Variants in NUP155 observed in about 807,000 individuals in gnomAD.
The protein encoded by NUP155 is nucleoporin 155, also known as nuclear pore complex protein Nup155.
Under a neutral mutation model 180.4 loss-of-function variants are expected in NUP155, and 71 were observed. The observed-to-expected ratio is 0.39, with a 90% CI of 0.33 to 0.48. The LOEUF (loss-of-function observed/expected upper bound fraction) is 0.48, where lower values mean the gene tolerates loss of function less well. NUP155 is among the 20% of genes least tolerant of loss of function. The pLI is 0.91. For missense variants in NUP155, 1,553 were observed against 1,648.9 expected, an observed-to-expected ratio of 0.94 and a Z score of 1.01; for synonymous variants, 582 against 559.5, an observed-to-expected ratio of 1.04 and a Z score of -0.57.
intron 9 of NUP155, among the ~76,000 whole-genome samples, chr5:37,344,077 T>C (rs1745919595): frequency 6.6e-6 from 1 of 152,042 alleles, no homozygotes; most frequent in Non-Finnish European, 1.5e-5. Context: ...AGGTGGCTCA[T>C]GCCTCAAATC....
In NUP155 at chr5:37,329,246, G is replaced by T. The variant is rs924240898; in HGVS notation, c.1757C>A (p.Thr586Asn). ...YGGEAQMRFP[T>N]TLPPPSNVGP... Reference sequence around the variant, plus strand: ...AACATTACTTGGAGGCGGAAGAGTGGTTGGAAATCTCATCTGTGCTTCACC... The same window carrying T: ...AACATTACTTGGAGGCGGAAGAGTGTTTGGAAATCTCATCTGTGCTTCACC... The change falls in exon 16 of 35, where the codon ACC becomes AAC. Residue 586 changes from threonine (T) to asparagine (N), a missense_variant. Coordinates refer to ENST00000231498, the MANE Select transcript of NUP155 (RefSeq NM_153485.3). 6.2e-7 allele frequency: 1 copy of T among 1,613,920 alleles called. No individual in the cohort carries two copies. Among genetic ancestry groups the T allele is most frequent in the Non-Finnish European group, 8.5e-7 (1 of 1,179,874 alleles).
At chr5:37,297,178 TGCCTA>T (rs1231608743) in intron 32 of NUP155, among the ~76,000 whole-genome samples, 1 of 152,116 alleles carries the variant, frequency 6.6e-6, no homozygotes, top group Non-Finnish European at 1.5e-5. Flanking sequence ...CGTGCTACCA[TGCCTA>T]GCTAATCTTA....
In NUP155 at chr5:37,292,782, A is replaced by G. The variant is rs1396803413; in HGVS notation, c.4037+97T>C. ...ATTCAAATAGTTATTGCTAATATAC[A>G]CAAGAATCTTCCCATCTTCTCTTCA... On this transcript the variant is annotated intron_variant, in intron 34 of 34. Transcript: ENST00000231498. 12 of 776,238 alleles carry G rather than the reference A, an allele frequency of 1.5e-5. No homozygotes were observed. In the East Asian group the frequency reaches 2.9e-4, roughly 19 times the overall value. The allele number at this position is 776,238 out of a possible 1,614,324, so 48.1% of individuals were successfully genotyped here.
intron 1 of NUP155, among the ~76,000 whole-genome samples, chr5:37,370,028 T>G (rs1318337771): frequency 6.6e-6 from 1 of 152,266 alleles, no homozygotes; most frequent in African/African-American, 2.4e-5. Context: ...CCACTGGTAG[T>G]TCTTTTAAGA....
chr5:37,344,137 C>T (rs902453712), intron 9 of NUP155, among the ~76,000 whole-genome samples: 10 of 151,722 alleles, frequency 6.6e-5, no homozygotes, highest in Admixed American at 2.6e-4. Flanking sequence ...GCCAGGAGTT[C>T]GAGACCAGCC....
At chr5:37,367,211 A>AT (rs1223908335) in intron 1 of NUP155, among the ~76,000 whole-genome samples, 54 of 148,732 alleles carry the variant, frequency 3.6e-4, no homozygotes, top group African/African-American at 1.0e-3. Flanking sequence ...TGCCTAGCTA[A>AT]TTTTTTTTTT....
In NUP155 at chr5:37,318,002, T is replaced by C; in HGVS notation, c.2291A>G (p.Gln764Arg). ...CAATAATTTACCATGAAACTTCCTC[T>C]GCAGTTCCTGTTGCATTTGCTGGGG... ...GNPQQMQQEL[Q>R]RKFHEAQLSE... is the part of the protein sequence containing the mutation. The change falls in exon 21 of 35, where the codon CAG becomes CGG. Residue 764 changes from glutamine to arginine, a missense_variant. Transcript: ENST00000231498. The C allele has an allele frequency of 1.9e-6, 3 of 1,600,116 alleles. No individual in the cohort carries two copies. Among genetic ancestry groups the C allele is most frequent in the Non-Finnish European group, 2.6e-6 (3 of 1,167,174 alleles).
At chr5:37,356,730 A>G (rs1169374142) in intron 4 of NUP155, among the ~76,000 whole-genome samples, 1 of 152,172 alleles carries the variant, frequency 6.6e-6, no homozygotes, top group Non-Finnish European at 1.5e-5. Context: ...GAGATTTGGC[A>G]TTATGAGGGT....
At chr5:37,354,735 G>A (rs1746702598) in intron 4 of NUP155, among the ~76,000 whole-genome samples, 1 of 151,808 alleles carries the variant, frequency 6.6e-6, no homozygotes, top group Admixed American at 6.6e-5. Context: ...GGGATTACAG[G>A]TGTGAGCCAC....
rs1744008784 is a variant in NUP155 at position 37,317,990 on chromosome 5, T to C, written c.2303A>G (p.His768Arg). 2.5e-6 allele frequency: 4 copies of C among 1,580,920 alleles called. No individual in the cohort carries two copies. Among genetic ancestry groups the C allele is most frequent in the South Asian group, 2.2e-5 (2 of 90,456 alleles). ...ACTGATGAGAAGCAATAATTTACCA[T>C]GAAACTTCCTCTGCAGTTCCTGTTG... ...QMQQELQRKF[H>R]EAQLSEKISL... Residue 768 changes from histidine (H) to arginine (R), a missense_variant and splice_region_variant, in exon 21 of 35, where the codon CAT becomes CGT. Coordinates refer to ENST00000231498, the MANE Select transcript of NUP155 (RefSeq NM_153485.3).
chr5:37,295,798 C>A (rs986819262), intron 32 of NUP155, among the ~76,000 whole-genome samples: 4 of 150,766 alleles, frequency 2.7e-5, no homozygotes, highest in African/African-American at 9.8e-5. Context: ...AAGTGAGGAG[C>A]CCCTCCGCCC....
chr5:37,304,733 A>G lies in NUP155; in HGVS notation c.3162+6T>C. On this transcript the variant is annotated splice_donor_region_variant and intron_variant, in intron 27 of 34. Transcript: ENST00000231498. ...ATTAACACAACTGCAATAAAAAAAG[A>G]TTTACCTGTAGCAGCTTATCTGCAA... 2 of 1,571,808 alleles carry G rather than the reference A, an allele frequency of 1.3e-6. No homozygotes were observed. Among genetic ancestry groups the G allele is most frequent in the Non-Finnish European group, 1.8e-6 (2 of 1,141,982 alleles).
At chr5:37,335,159 A>G (rs999807348) in intron 12 of NUP155, among the ~76,000 whole-genome samples, 1 of 144,614 alleles carries the variant, frequency 6.9e-6, no homozygotes, top group Non-Finnish European at 1.5e-5. Context: ...CTCTGTCACA[A>G]AAAAAAAAAA....
intron 9 of NUP155, among the ~76,000 whole-genome samples, chr5:37,345,283 A>C (rs1488157785): frequency 6.6e-6 from 1 of 151,544 alleles, no homozygotes; most frequent in African/African-American, 2.4e-5. Flanking sequence ...AGACATGCGG[A>C]TTGCTTGACC....
At chr5:37,305,537 C>G (rs537156474) in intron 25 of NUP155, among the ~76,000 whole-genome samples, 2 of 152,134 alleles carry the variant, frequency 1.3e-5, no homozygotes, top group East Asian at 3.9e-4. Context: ...CAAAAATTAG[C>G]CGGGCTTGGT....
intron 15 of NUP155, 85 bp downstream of exon 15, chr5:37,329,953 C>A (rs951881266): frequency 2.7e-5 from 26 of 971,838 alleles, no homozygotes; most frequent in Non-Finnish European, 3.9e-5. Flanking sequence ...AACTGTTTGG[C>A]AAGGCTTTAT....
Position 37,310,610 on chromosome 5 carries a change from A to G in NUP155, c.2570T>C (p.Leu857Ser). Reference protein sequence around the residue: ...RDNAAVDGISLHLQDICPLLY... With the variant: ...RDNAAVDGISSHLQDICPLLY... ...AAGTGGGCAGATATCCTGTAAATGT[A>G]AACTAATGCCATCAACAGCGGCATT... Residue 857 changes from leucine (L) to serine (S), a missense_variant, in exon 23 of 35, where the codon TTA becomes TCA. Physicochemically the swap from Leu to Ser is moderately radical, Grantham distance 145. Coordinates refer to ENST00000231498, the MANE Select transcript of NUP155 (RefSeq NM_153485.3). 2 of 1,613,674 alleles carry G rather than the reference A, an allele frequency of 1.2e-6. No homozygotes were observed. The highest frequency in any genetic ancestry group is 2.2e-5 in the South Asian group (2 of 91,058).
intron 29 of NUP155, among the ~76,000 whole-genome samples, chr5:37,302,474 T>C (rs1382623252): frequency 2.0e-5 from 3 of 152,214 alleles, no homozygotes; most frequent in Non-Finnish European, 4.4e-5. Flanking sequence ...GACCTCATGA[T>C]CTGGCTGCCT....
intron 20 of NUP155, among the ~76,000 whole-genome samples, chr5:37,322,219 T>G (rs995086542): frequency 2.0e-5 from 3 of 152,198 alleles, no homozygotes; most frequent in African/African-American, 7.2e-5. Flanking sequence ...ACTCCTGGCT[T>G]CAAGCAATCC....
Sources: gnomAD v4.1 joint callset for allele counts (sites outside exome capture counted in the v4.1 genomes callset) on GRCh38, gnomAD v4.1.1 for gene constraint, MANE v1.5 for transcripts, NCBI Gene and HGNC (gene_info 2026-07-23, HGNC 2026-07-21) for gene names.